The following UBAP2 variants were observed in gnomAD, a reference collection of about 807,000 sequenced individuals.
UBAP2 encodes ubiquitin-associated protein 2.
Under a neutral mutation model 139.6 loss-of-function variants are expected in UBAP2, and 75 were observed. The ratio of observed to expected loss-of-function variants is 0.54; its 90% CI spans 0.45 to 0.65. The LOEUF is 0.65. Among genes scored for constraint, UBAP2 ranks in the 30% least tolerant of loss-of-function variants. The probability of loss-of-function intolerance (pLI) is 0.00; values close to 1 mark genes in which losing one functional copy is unlikely to be tolerated. For synonymous variants in UBAP2, 526 were observed against 526.2 expected (o/e 1.00, Z 0.01); for missense variants, 1,368 against 1,369.6 (o/e 1.00, Z 0.02).
chr9:33,987,194 T>C (rs1046183742), intron 5 of UBAP2, among the ~76,000 whole-genome samples: 1 of 152,044 alleles, frequency 6.6e-6, no homozygotes, highest in African/African-American at 2.4e-5. Flanking sequence ...GTGGATCACT[T>C]GAGGCCAGGA....
chr9:33,951,332 A>ATTTTTTTTTT (rs57473520), intron 12 of UBAP2, among the ~76,000 whole-genome samples: 2 of 68,976 alleles, frequency 2.9e-5, no homozygotes, highest in African/African-American at 1.0e-4. Flanking sequence ...CTCCCCAATG[A>ATTTTTTTTTT]TTTTTTTTTT....
chr9:33,943,094 T>C (rs1196974139), intron 15 of UBAP2, among the ~76,000 whole-genome samples: 2 of 152,160 alleles, frequency 1.3e-5, no homozygotes, highest in East Asian at 1.9e-4. Flanking sequence ...AATGAAATAT[T>C]TGGCAATAAA....
chr9:34,019,400 G>C (rs1824697404), intron 1 of UBAP2, among the ~76,000 whole-genome samples: 1 of 151,924 alleles, frequency 6.6e-6, no homozygotes, highest in Non-Finnish European at 1.5e-5. Flanking sequence ...AAAACTCTCG[G>C]GGCAAGGGGT....
intron 1 of UBAP2, among the ~76,000 whole-genome samples, chr9:34,038,143 GA>G (rs78650365): frequency 1.3e-4 from 17 of 127,218 alleles, no homozygotes; most frequent in African/African-American, 4.0e-4. Flanking sequence ...TCCAGCCTGG[GA>G]AAAAAAAAAA....
chr9:34,010,136 A>C (rs1457567681), intron 2 of UBAP2, among the ~76,000 whole-genome samples: 1 of 149,342 alleles, frequency 6.7e-6, no homozygotes, highest in Non-Finnish European at 1.5e-5. Flanking sequence ...AAAAAAAAAA[A>C]AAAACAGCCA....
intron 3 of UBAP2, 51 bp from the exon 4 acceptor site, chr9:33,996,384 G>C: frequency 8.5e-7 from 1 of 1,171,176 alleles, no homozygotes; most frequent in South Asian, 1.2e-5. Context: ...ACTGGCACTT[G>C]ATATTAAGAT....
At chr9:34,014,393 G>A (rs1003815871) in intron 2 of UBAP2, among the ~76,000 whole-genome samples, 12 of 149,358 alleles carry the variant, frequency 8.0e-5, no homozygotes, top group Middle Eastern at 3.5e-3. Flanking sequence ...CACCTTTGAA[G>A]GCTAAGGGGG....
intron 9 of UBAP2, among the ~76,000 whole-genome samples, chr9:33,963,408 T>C (rs911518709): frequency 1.3e-5 from 2 of 152,246 alleles, no homozygotes; most frequent in African/African-American, 4.8e-5. Flanking sequence ...TCAACAATCC[T>C]TATTTTCAGC....
chr9:34,045,375 TA>T (rs967594799), intron 1 of UBAP2, among the ~76,000 whole-genome samples: 2 of 150,490 alleles, frequency 1.3e-5, no homozygotes, highest in African/African-American at 2.4e-5. Context: ...AAATAAAAAT[TA>T]AAAAAAAAAT....
intron 1 of UBAP2, among the ~76,000 whole-genome samples, chr9:34,019,085 A>C (rs1054960234): frequency 6.6e-6 from 1 of 152,102 alleles, no homozygotes; most frequent in African/African-American, 2.4e-5. Context: ...CATTATGCTA[A>C]GTGAAATAAG....
intron 11 of UBAP2, 87 bp downstream of exon 11, chr9:33,955,992 A>G: frequency 9.7e-7 from 1 of 1,033,340 alleles, no homozygotes; most frequent in South Asian, 1.5e-5. Flanking sequence ...AAATAGAAAG[A>G]GACCCAAAAA....
At chr9:33,940,253 A>G (rs1376108507) in intron 16 of UBAP2, among the ~76,000 whole-genome samples, 1 of 152,110 alleles carries the variant, frequency 6.6e-6, no homozygotes, top group Non-Finnish European at 1.5e-5. Flanking sequence ...TACTTTTCTC[A>G]GCTGCCTACA....
intron 19 of UBAP2, among the ~76,000 whole-genome samples, chr9:33,931,304 G>A (rs537023735): frequency 6.6e-6 from 1 of 152,226 alleles, no homozygotes; most frequent in Non-Finnish European, 1.5e-5. Context: ...TATATGGAGG[G>A]ACAACTGTAT....
intron 2 of UBAP2, among the ~76,000 whole-genome samples, chr9:34,016,309 GAGGAAGAGA>G (rs1564064265): frequency 1.6e-5 from 2 of 122,430 alleles, no homozygotes; most frequent in African/African-American, 6.4e-5. Flanking sequence ...GGAGGAAGAG[GAGGAAGAGA>G]AGGAGGAAGA....
intron 2 of UBAP2, among the ~76,000 whole-genome samples, chr9:34,007,364 T>C (rs1212978617): frequency 1.3e-5 from 2 of 151,760 alleles, no homozygotes; most frequent in South Asian, 2.1e-4. Context: ...AGTATGGAAG[T>C]GCACACCATT....
At chr9:33,926,897 G>A (rs1316854292) in intron 21 of UBAP2, 92 bp downstream of exon 21, 34 of 1,313,472 alleles carry the variant, frequency 2.6e-5, no homozygotes, top group Non-Finnish European at 3.6e-5. Context: ...AGCTCAAGGT[G>A]GGCAACCTGG....
At chr9:34,016,567 T>A (rs1358265547) in intron 2 of UBAP2, among the ~76,000 whole-genome samples, 14 of 151,878 alleles carry the variant, frequency 9.2e-5, no homozygotes, top group Non-Finnish European at 1.9e-4. Context: ...ATTTTATTTT[T>A]TTTTTTAGGA....
At position 33,984,332 on chromosome 9, in the gene UBAP2, A is replaced by ACAACT. The variant is rs1204232040; in HGVS notation, c.520+2423_520+2427dup. Among the ~76,000 whole-genome samples, 4 of 152,232 alleles carry ACAACT rather than the reference A, an allele frequency of 2.6e-5. No homozygotes were observed. In the East Asian group the frequency reaches 5.8e-4, roughly 22 times the overall value. ...TATTCAGACAATACAAGGAATCTAAACAACTCAACAGCCAAAATATAAATA... is the reference window on the plus strand; with the variant it reads ...TATTCAGACAATACAAGGAATCTAAACAACTCAACTCAACAGCCAAAATATAAATA... On this transcript the variant is annotated intron_variant, in intron 6 of 28. Transcript: ENST00000379238.
At chr9:34,034,899 G>T (rs1240021978) in intron 1 of UBAP2, among the ~76,000 whole-genome samples, 1 of 149,716 alleles carries the variant, frequency 6.7e-6, no homozygotes, top group Non-Finnish European at 1.5e-5. Flanking sequence ...AAAAAAAAAC[G>T]AATCGCTCAA....
Sources: gnomAD v4.1 joint callset for allele counts (sites outside exome capture counted in the v4.1 genomes callset) on GRCh38, gnomAD v4.1.1 for gene constraint, MANE v1.5 for transcripts, NCBI Gene and HGNC (gene_info 2026-07-23, HGNC 2026-07-21) for gene names.